Variants in RAB27A observed in about 807,000 individuals in gnomAD.
RAB27A encodes RAB27A, member RAS oncogene family.
RAB27A carries 17 observed loss-of-function variants against 20.8 expected under a neutral mutation model. That is an observed-to-expected ratio of 0.82 (90% CI 0.56 to 1.23). RAB27A has a LOEUF of 1.23. RAB27A is among the 50% of genes most tolerant of loss of function. RAB27A has a pLI of 0.00. For missense variants in RAB27A, 277 were observed against 266.7 expected, an observed-to-expected ratio of 1.04 and a Z score of -0.27; for synonymous variants, 85 against 92.8, an observed-to-expected ratio of 0.92 and a Z score of 0.48.
chr15:55,311,192 G>A (rs1386961009), intron 2 of RAB27A, among the ~76,000 whole-genome samples: 1 of 152,204 alleles, frequency 6.6e-6, no homozygotes, highest in Non-Finnish European at 1.5e-5. Flanking sequence ...CTCATTTGGA[G>A]CTAGTGTCTG....
At chr15:55,254,445 T>C (rs900052747) in intron 2 of RAB27A, among the ~76,000 whole-genome samples, 5 of 152,202 alleles carry the variant, frequency 3.3e-5, no homozygotes, top group South Asian at 2.1e-4. Context: ...ATTTTTCTTT[T>C]AGAATCTACA....
intron 1 of RAB27A, among the ~76,000 whole-genome samples, chr15:55,274,635 AG>A (rs905577878): frequency 6.6e-6 from 1 of 151,022 alleles, no homozygotes; most frequent in African/African-American, 2.4e-5. Context: ...AAAATTAGCC[AG>A]GCGTGGTGGC....
intron 6 of RAB27A, among the ~76,000 whole-genome samples, chr15:55,223,685 C>T (rs1373337442): frequency 2.6e-5 from 4 of 152,118 alleles, no homozygotes; most frequent in Non-Finnish European, 5.9e-5. Context: ...AAAATGGGAC[C>T]AAAGCACTGA....
At chr15:55,219,791 C>A (rs16976181) in intron 6 of RAB27A, among the ~76,000 whole-genome samples, 1,941 of 152,296 alleles carry the variant, frequency 0.013, 36 homozygotes, top group African/African-American at 0.044. Context: ...TCTTCTCCAA[C>A]TTCATTGACA....
chr15:55,315,827 A>G lies in RAB27A; in HGVS notation c.-233-1667T>C, dbSNP rs1165211308. Among the ~76,000 whole-genome samples the G allele has an allele frequency of 3.3e-5, 5 of 152,320 alleles. No individual in the cohort carries two copies. In the East Asian group the frequency reaches 9.6e-4, roughly 29 times the overall value. ...GGTGGGAGTGTAAATTAGTTCAACC[A>G]TTGTGAAGACAGTGTGGCAATTCCT... On this transcript the variant is annotated intron_variant, in intron 1 of 5. Coordinates refer to the RAB27A transcript ENST00000563262.
At chr15:55,316,210 G>A (rs1217653999) in intron 1 of RAB27A, among the ~76,000 whole-genome samples, 2 of 150,230 alleles carry the variant, frequency 1.3e-5, no homozygotes, top group Admixed American at 1.3e-4. Context: ...GCTCCAGCCT[G>A]GGCAACAGAG....
At chr15:55,209,954 G>GCA (rs1894890991) in intron 6 of RAB27A, among the ~76,000 whole-genome samples, 1 of 129,486 alleles carries the variant, frequency 7.7e-6, no homozygotes, top group African/African-American at 3.2e-5. Context: ...ACACACATAC[G>GCA]CATATATGTG....
At chr15:55,303,609 T>G (rs1368424735) in intron 2 of RAB27A, among the ~76,000 whole-genome samples, 3 of 68,206 alleles carry the variant, frequency 4.4e-5, no homozygotes, top group Non-Finnish European at 5.5e-5. Context: ...GGGAGGGAGG[T>G]GAGGGGGTCG....
intron 2 of RAB27A, among the ~76,000 whole-genome samples, chr15:55,242,596 G>A (rs1255669945): frequency 6.6e-6 from 1 of 152,194 alleles, no homozygotes; most frequent in Non-Finnish European, 1.5e-5. Context: ...AGCAAGGCAT[G>A]TAATTTTATA....
At chr15:55,208,519 T>C (rs1894762129) in intron 6 of RAB27A, among the ~76,000 whole-genome samples, 1 of 152,188 alleles carries the variant, frequency 6.6e-6, no homozygotes, top group African/African-American at 2.4e-5. Flanking sequence ...ACATGTCAGC[T>C]TTCTCCACAA....
upstream of RAB27A, among the ~76,000 whole-genome samples, chr15:55,294,325 C>T (rs113326409): frequency 1.5e-4 from 23 of 152,236 alleles, no homozygotes; most frequent in East Asian, 9.6e-4. Context: ...CGGTAGCTCA[C>T]GCCTGTAATT....
upstream of RAB27A, among the ~76,000 whole-genome samples, chr15:55,291,517 A>G (rs1255054965): frequency 9.3e-6 from 1 of 107,992 alleles, no homozygotes; most frequent in Non-Finnish European, 1.8e-5. Flanking sequence ...TTTCAAAAAA[A>G]AAAAAAAAAA....
chr15:55,215,529 G>A (rs1895243911), intron 6 of RAB27A, among the ~76,000 whole-genome samples: 1 of 150,510 alleles, frequency 6.6e-6, no homozygotes, highest in Non-Finnish European at 1.5e-5. Context: ...GCGGGCGCCT[G>A]TAGTCCCAGC....
At chr15:55,251,320 C>G (rs113599100) in intron 2 of RAB27A, among the ~76,000 whole-genome samples, 2 of 152,110 alleles carry the variant, frequency 1.3e-5, no homozygotes, top group Non-Finnish European at 2.9e-5. Context: ...GTCTTGAGAA[C>G]AACCATCATT....
At chr15:55,273,422 T>A (rs28803580) in intron 1 of RAB27A, among the ~76,000 whole-genome samples, 42 of 143,968 alleles carry the variant, frequency 2.9e-4, no homozygotes, top group South Asian at 2.0e-3. Context: ...AAAAAAAAAA[T>A]AAAAATAAAA....
At chr15:55,255,590 G>A (rs1032110444) in intron 2 of RAB27A, among the ~76,000 whole-genome samples, 3 of 152,128 alleles carry the variant, frequency 2.0e-5, no homozygotes, top group Admixed American at 2.0e-4. Flanking sequence ...ATTTAGAAGT[G>A]ACTCAAAAAG....
chr15:55,294,557 C>A (rs2054939131), upstream of RAB27A, among the ~76,000 whole-genome samples: 1 of 132,392 alleles, frequency 7.6e-6, no homozygotes, highest in African/African-American at 2.9e-5. Flanking sequence ...CACTACACAC[C>A]AGCCTGGGCA....
chr15:55,268,763 A>G (rs111327777), intron 2 of RAB27A, among the ~76,000 whole-genome samples: 45 of 152,278 alleles, frequency 3.0e-4, no homozygotes, highest in African/African-American at 1.0e-3. Flanking sequence ...CAAATCTTTA[A>G]AATGTCATAT....
At chr15:55,288,646 G>A (rs1489449324) in intron 1 of RAB27A, among the ~76,000 whole-genome samples, 2 of 151,872 alleles carry the variant, frequency 1.3e-5, no homozygotes, top group Non-Finnish European at 2.9e-5. Flanking sequence ...TAGAAAGGAA[G>A]GAAGAAAAAA....
Sources: gnomAD v4.1 joint callset for allele counts (sites outside exome capture counted in the v4.1 genomes callset) on GRCh38, gnomAD v4.1.1 for gene constraint, MANE v1.5 for transcripts, NCBI Gene and HGNC (gene_info 2026-07-23, HGNC 2026-07-21) for gene names.